The following PTBP3 variants were observed in gnomAD, a reference collection of about 807,000 sequenced individuals.
PTBP3 encodes polypyrimidine tract-binding protein 3.
A neutral mutation model predicts 58.7 loss-of-function variants in PTBP3; 20 were observed. The observed-to-expected ratio is 0.34, with a 90% CI of 0.24 to 0.50. The LOEUF (loss-of-function observed/expected upper bound fraction) is 0.50, where lower values mean the gene tolerates loss of function less well. Ranked by LOEUF, PTBP3 falls within the 20% of genes least tolerant of loss-of-function variation. The pLI is 0.98. For missense variants in PTBP3, 509 were observed against 637.2 expected (o/e 0.80, Z 2.17); for synonymous variants, 185 against 219.8 (o/e 0.84, Z 1.40).
chr9:112,264,764 G>T (rs1173716685), intron 4 of PTBP3, among the ~76,000 whole-genome samples: 2 of 152,122 alleles, frequency 1.3e-5, no homozygotes, highest in African/African-American at 4.8e-5. Context: ...AGAAATGAAG[G>T]CTATCTCAGA....
chr9:112,325,364 C>T (rs994033498), intron 1 of PTBP3, among the ~76,000 whole-genome samples: 5 of 152,108 alleles, frequency 3.3e-5, no homozygotes. Context: ...CAGGAATTCA[C>T]GCCTTAGGCT....
chr9:112,376,682 C>T, the PTBP3 span, among the ~76,000 whole-genome samples: 85 of 152,216 alleles, frequency 5.6e-4, no homozygotes, highest in East Asian at 0.015. Flanking sequence ...AGGGGATAAA[C>T]GCACAGGAGA....
At chr9:112,284,875 C>T (rs1378608463) in intron 2 of PTBP3, among the ~76,000 whole-genome samples, 1 of 152,030 alleles carries the variant, frequency 6.6e-6, no homozygotes, top group African/African-American at 2.4e-5. Context: ...TTCGAAGTAA[C>T]TAACTTGCTT....
intron 1 of PTBP3, among the ~76,000 whole-genome samples, chr9:112,298,908 T>A (rs1349552966): frequency 6.6e-6 from 1 of 152,170 alleles, no homozygotes; most frequent in Admixed American, 6.5e-5. Flanking sequence ...TATAGAGACA[T>A]CTGGGAATAA....
At chr9:112,261,574 T>G (rs986004298) in intron 5 of PTBP3, among the ~76,000 whole-genome samples, 1 of 152,152 alleles carries the variant, frequency 6.6e-6, no homozygotes, top group Non-Finnish European at 1.5e-5. Flanking sequence ...AAGGGAAGTG[T>G]TGCAGTATTT....
the PTBP3 span, among the ~76,000 whole-genome samples, chr9:112,369,481 G>A: frequency 7.9e-5 from 12 of 152,160 alleles, no homozygotes; most frequent in Admixed American, 6.6e-5. Context: ...CTATCCCTCT[G>A]GATTTTGGAC....
intron 3 of PTBP3, among the ~76,000 whole-genome samples, chr9:112,274,086 C>T (rs1403477358): frequency 6.6e-6 from 1 of 152,138 alleles, no homozygotes; most frequent in Non-Finnish European, 1.5e-5. Flanking sequence ...GTTAAAATAA[C>T]GATCTAACTG....
chr9:112,268,017 T>C (rs1386365664), intron 4 of PTBP3, 32 bp downstream of exon 4: 5 of 1,577,648 alleles, frequency 3.2e-6, no homozygotes, highest in Admixed American at 3.6e-5. Flanking sequence ...TGTGTTCCCA[T>C]ACCTATTTTT....
intron 1 of PTBP3, among the ~76,000 whole-genome samples, chr9:112,321,530 A>G (rs1261708367): frequency 1.3e-5 from 2 of 149,954 alleles, no homozygotes; most frequent in Non-Finnish European, 1.5e-5. Flanking sequence ...CGTAGTCTGA[A>G]AAAAAAAAAA....
chr9:112,299,921 G>A (rs1444996345), intron 1 of PTBP3, among the ~76,000 whole-genome samples: 2 of 152,148 alleles, frequency 1.3e-5, no homozygotes, highest in East Asian at 1.9e-4. Context: ...CTCCATAACA[G>A]CTACCACCAT....
At position 112,240,352 on chromosome 9, in the gene PTBP3, G is replaced by A. The variant is rs188673591; in HGVS notation, c.803-5455C>T. ...TTGATATACTGTCATGTGCAGCGGA[G>A]CGGTCAATGATCCACATATACAATG... On this transcript the variant is annotated intron_variant, in intron 7 of 13. Coordinates refer to ENST00000374257, the MANE Select transcript of PTBP3 (RefSeq NM_001163788.4). 3.7e-4 allele frequency among the ~76,000 whole-genome samples: 56 copies of A among 152,234 alleles called. No individual in the cohort carries two copies. The East Asian group carries it at 0.011, about 29-fold the overall frequency.
intron 1 of PTBP3, among the ~76,000 whole-genome samples, chr9:112,308,362 A>C (rs201550410): frequency 0.81 from 113,208 of 139,154 alleles, 46,046 homozygotes; most frequent in South Asian, 0.91. Flanking sequence ...AAAAAAAAAA[A>C]AAAAAAAAAA....
upstream of PTBP3, among the ~76,000 whole-genome samples, chr9:112,337,068 C>T (rs1180082246): frequency 6.6e-6 from 1 of 152,212 alleles, no homozygotes; most frequent in Non-Finnish European, 1.5e-5. Flanking sequence ...CTTGCTCTCT[C>T]ACCCAGGCTG....
At chr9:112,324,844 GT>G (rs1319230886) in intron 1 of PTBP3, among the ~76,000 whole-genome samples, 1 of 152,104 alleles carries the variant, frequency 6.6e-6, no homozygotes, top group Non-Finnish European at 1.5e-5. Flanking sequence ...CACCCAGCGT[GT>G]TGTCAGTTTG....
At chr9:112,285,828 G>A (rs764109202) in intron 2 of PTBP3, among the ~76,000 whole-genome samples, 9 of 152,184 alleles carry the variant, frequency 5.9e-5, no homozygotes, top group Non-Finnish European at 8.8e-5. Flanking sequence ...TTGGCCCACA[G>A]GTAAGAACTT....
At chr9:112,331,375 T>A (rs1039203823) in intron 1 of PTBP3, among the ~76,000 whole-genome samples, 1 of 152,204 alleles carries the variant, frequency 6.6e-6, no homozygotes, top group African/African-American at 2.4e-5. Context: ...CCCAAGAAAC[T>A]GTCTTCGATT....
intron 1 of PTBP3, among the ~76,000 whole-genome samples, chr9:112,303,940 G>A (rs769406960): frequency 6.6e-6 from 1 of 152,080 alleles, no homozygotes; most frequent in African/African-American, 2.4e-5. Flanking sequence ...GCCAAGGCAG[G>A]CGGATCACTT....
intron 1 of PTBP3, among the ~76,000 whole-genome samples, chr9:112,301,734 T>C (rs1382455157): frequency 5.3e-5 from 8 of 152,176 alleles, no homozygotes; most frequent in African/African-American, 1.9e-4. Flanking sequence ...CAGAACTATA[T>C]ACAGGCACTG....
At chr9:112,251,507 G>A (rs886790167) in intron 6 of PTBP3, among the ~76,000 whole-genome samples, 2 of 152,078 alleles carry the variant, frequency 1.3e-5, no homozygotes, top group African/African-American at 4.8e-5. Flanking sequence ...CATTATACTA[G>A]GATGTGTAAG....
Sources: gnomAD v4.1 joint callset for allele counts (sites outside exome capture counted in the v4.1 genomes callset) on GRCh38, gnomAD v4.1.1 for gene constraint, MANE v1.5 for transcripts, NCBI Gene and HGNC (gene_info 2026-07-23, HGNC 2026-07-21) for gene names.